Variants in TTYH3 observed in about 807,000 individuals in gnomAD.
TTYH3 encodes protein tweety homolog 3.
In TTYH3, 23 loss-of-function variants were observed where a neutral mutation model predicts 68.2. The observed-to-expected ratio is 0.34, with a 90% CI of 0.24 to 0.48. TTYH3 has a LOEUF of 0.48. Among genes scored for constraint, TTYH3 ranks in the 20% least tolerant of loss-of-function variants. The probability of loss-of-function intolerance (pLI) is 0.99; values close to 1 mark genes in which losing one functional copy is unlikely to be tolerated. For synonymous variants in TTYH3, 360 were observed against 332.8 expected (o/e 1.08, Z -0.89); for missense variants, 768 against 727.7 (o/e 1.06, Z -0.64).
In TTYH3 at chr7:2,645,971, C is replaced by T. The variant is rs1785968462; in HGVS notation, c.124-882C>T. 5.5e-6 allele frequency: 2 copies of T among 366,498 alleles called. No homozygotes were observed. Among genetic ancestry groups the T allele is most frequent in the Non-Finnish European group, 5.6e-6 (1 of 177,750 alleles). The allele number at this position is 366,498 out of a possible 1,614,324, so 22.7% of individuals were successfully genotyped here. A position where few individuals can be genotyped will look rare whatever the true frequency, so the allele number is the denominator to read the frequency against. On this transcript the variant is annotated intron_variant, in intron 1 of 13. Coordinates refer to ENST00000258796, the MANE Select transcript of TTYH3 (RefSeq NM_025250.3). The surrounding 1 kb of genome is among the most constrained non-coding windows in gnomAD (Gnocchi z 4.8). ...CTGGGGGTGAGGACAGTAGCTGATG[C>T]CGGCAGCCCCCTCCCCAGGGCTTCG...
rs755202092 is a variant in TTYH3 at position 2,658,335 on chromosome 7, G to GC, written c.1301dup (p.His435AlafsTer22). The GC allele has an allele frequency of 6.2e-7, 1 of 1,605,244 alleles. No homozygotes were observed. The highest frequency in any genetic ancestry group is 8.5e-7 in the Non-Finnish European group (1 of 1,176,400). ...GGAGGCCGCTCCAGGGCCGCGGCAG[G>GC]CGCACGACAGCCTCTACCGCGTCCA... On this transcript the variant is annotated frameshift_variant, in exon 12 of 14. Coordinates refer to ENST00000258796, the MANE Select transcript of TTYH3 (RefSeq NM_025250.3). LOFTEE classifies it high-confidence loss of function.
chr7:2,649,443 G>C lies in TTYH3; in HGVS notation c.723-124G>C. ...TGGCTGAGGCCAGGCCACAGGAAGA[G>C]CCCCAGCCCATGTGTGGGCTGACCC... On this transcript the variant is annotated intron_variant, in intron 5 of 13. Transcript: ENST00000258796. The C allele has an allele frequency of 3.2e-6, 3 of 941,196 alleles. No individual in the cohort carries two copies. In the South Asian group the frequency reaches 4.5e-5, roughly 14 times the overall value. The allele number at this position is 941,196 out of a possible 1,614,324, so 58.3% of individuals were successfully genotyped here.
chr7:2,636,652 G>C (rs913703692), intron 1 of TTYH3, among the ~76,000 whole-genome samples: 6 of 152,026 alleles, frequency 3.9e-5, no homozygotes, highest in East Asian at 1.9e-4. Flanking sequence ...CCCTGCATTG[G>C]GGGGTGGAGG....
At chr7:2,655,705 C>T (rs1204566621) in intron 9 of TTYH3, among the ~76,000 whole-genome samples, 1 of 152,262 alleles carries the variant, frequency 6.6e-6, no homozygotes, top group African/African-American at 2.4e-5. Context: ...CAGTATGAGA[C>T]TCTTCCCTTG....
intron 13 of TTYH3, chr7:2,660,669 T>C: frequency 3.3e-6 from 2 of 612,308 alleles, no homozygotes; most frequent in Non-Finnish European, 4.1e-6. Context: ...CACAGGCTGC[T>C]CGAAACCTTC....
rs1490883986 is a variant in TTYH3 at position 2,664,337 on chromosome 7, G to A, written c.*2598G>A. 6.6e-6 allele frequency: 1 copy of A among 152,654 alleles called. No homozygotes were observed. The highest frequency in any genetic ancestry group is 1.5e-5 in the Non-Finnish European group (1 of 68,040). The allele number at this position is 152,654 out of a possible 1,614,324, so 9.5% of individuals were successfully genotyped here. On this transcript the variant is annotated 3_prime_UTR_variant, in exon 14 of 14. Transcript: ENST00000258796. Reference sequence around the variant, plus strand: ...CCAGCTCTGCCCCAGCCCTGAGAGGGGTGGTGAGGCAGCCCCCTGGACCCC... The same window carrying A: ...CCAGCTCTGCCCCAGCCCTGAGAGGAGTGGTGAGGCAGCCCCCTGGACCCC...
intron 8 of TTYH3, 119 bp downstream of exon 8, chr7:2,652,361 G>T: frequency 1.2e-6 from 1 of 860,116 alleles, no homozygotes. Context: ...GGGAACTGGG[G>T]GAGGGAGCTG....
intron 8 of TTYH3, 34 bp downstream of exon 8, chr7:2,652,276 G>C: frequency 6.3e-7 from 1 of 1,597,156 alleles, no homozygotes; most frequent in Non-Finnish European, 8.5e-7. Context: ...TGGGCTTCAG[G>C]AGAGTCTGAA....
rs1786567127 is a variant in TTYH3, at chr7:2,664,404, C to T, written c.*2665C>T. On this transcript the variant is annotated 3_prime_UTR_variant, in exon 14 of 14. Coordinates refer to ENST00000258796, the MANE Select transcript of TTYH3 (RefSeq NM_025250.3). ...GGGCAGGCGGGGGACCAGGGCCTCT[C>T]CTGTGGGATCTTTGTTTTGTGTTTA... is the stretch of plus-strand genomic sequence containing the variant. 1.3e-5 allele frequency: 2 copies of T among 152,532 alleles called. No individual in the cohort carries two copies. Among genetic ancestry groups the T allele is most frequent in the African/African-American group, 4.8e-5 (2 of 41,424 alleles). The allele number at this position is 152,532 out of a possible 1,614,324, so 9.4% of individuals were successfully genotyped here. A position where few individuals can be genotyped will look rare whatever the true frequency, so the allele number is the denominator to read the frequency against.
At position 2,646,924 on chromosome 7, in the gene TTYH3, C is replaced by T. The variant is rs776391306; in HGVS notation, c.195C>T (p.Ser65=). 2.4e-5 allele frequency: 39 copies of T among 1,600,922 alleles called. No homozygotes were observed. Among genetic ancestry groups the T allele is most frequent in the Non-Finnish European group, 3.3e-5 (39 of 1,179,368 alleles). ...ACCTCCTCTTCCTGCTCTTCTACTC[C>T]TTCTGGCTGTGCTGCCGGCGGCGCA... ...ALDLLFLLFY[S]FWLCCRRRKS... is the part of the protein sequence containing the mutation. Residue 65 remains serine (S), a synonymous_variant, in exon 2 of 14, where the codon TCC becomes TCT. Transcript: ENST00000258796.
chr7:2,636,268 T>C (rs1202988375), intron 1 of TTYH3, among the ~76,000 whole-genome samples: 1 of 152,234 alleles, frequency 6.6e-6, no homozygotes, highest in African/African-American at 2.4e-5. Flanking sequence ...GAGTTCTGGT[T>C]AAAACGGCAG....
rs913575719 is a variant in TTYH3, at chr7:2,645,187, A to G, written c.124-1666A>G. ...GCCCCATGATGAGGCGCAGCCCTGT[A>G]TCAGCTCCCCATCCCTCCCCCGGCA... On this transcript the variant is annotated intron_variant, in intron 1 of 13. Coordinates refer to ENST00000258796, the MANE Select transcript of TTYH3 (RefSeq NM_025250.3). This position sits in a 1 kb window ranked among gnomAD's most constrained non-coding sequence, Gnocchi z 4.8. Among the ~76,000 whole-genome samples, 6 of 152,274 alleles carry G rather than the reference A, an allele frequency of 3.9e-5. No homozygotes were observed. Among genetic ancestry groups the G allele is most frequent in the Middle Eastern group, 6.8e-3 (2 of 292 alleles).
At chr7:2,640,312 C>T (rs1785803120) in intron 1 of TTYH3, among the ~76,000 whole-genome samples, 2 of 152,236 alleles carry the variant, frequency 1.3e-5, no homozygotes, top group Admixed American at 6.5e-5. Context: ...AGGTTGGTGG[C>T]ACAGAGCGGC....
At chr7:2,636,412 G>A (rs140333172) in intron 1 of TTYH3, among the ~76,000 whole-genome samples, 1 of 152,288 alleles carries the variant, frequency 6.6e-6, no homozygotes, top group East Asian at 1.9e-4. Flanking sequence ...GAGCTGTAGG[G>A]TGGGTGTCCC....
At chr7:2,661,517 C>G in intron 13 of TTYH3, 151 bp from the exon 14 acceptor site, 1 of 770,104 alleles carries the variant, frequency 1.3e-6, no homozygotes, top group Non-Finnish European at 2.1e-6. Flanking sequence ...CTCCTTAGCC[C>G]CTCCCTATAG....
At chr7:2,636,569 G>A (rs1296135344) in intron 1 of TTYH3, among the ~76,000 whole-genome samples, 4 of 152,220 alleles carry the variant, frequency 2.6e-5, no homozygotes, top group African/African-American at 9.6e-5. Context: ...GGGGAGCTGG[G>A]TGGAAGCTTC....
chr7:2,637,674 G>T (rs1159942269), intron 1 of TTYH3, among the ~76,000 whole-genome samples: 1 of 152,180 alleles, frequency 6.6e-6, no homozygotes, highest in African/African-American at 2.4e-5. Flanking sequence ...CATGGGAAGT[G>T]CCTGACGTGG....
At chr7:2,655,565 T>C (rs995951324) in intron 9 of TTYH3, among the ~76,000 whole-genome samples, 9 of 152,208 alleles carry the variant, frequency 5.9e-5, no homozygotes, top group African/African-American at 2.2e-4. Flanking sequence ...TGTGCAGCCG[T>C]TTCTCCAGGC....
chr7:2,659,978 C>T, intron 13 of TTYH3: 1 of 1,304,046 alleles, frequency 7.7e-7, no homozygotes, highest in Non-Finnish European at 1.0e-6. Context: ...GCCACGCGGG[C>T]TGGCAGTTTA....
Sources: allele counts gnomAD v4.1 joint callset (sites outside exome capture counted in the v4.1 genomes callset), GRCh38; gene constraint gnomAD v4.1.1; non-coding constraint Gnocchi (gnomAD v3.1); transcripts MANE v1.5; gene names NCBI Gene and HGNC (gene_info 2026-07-23, HGNC 2026-07-21).